ASB14: variants seen among roughly 807,000 people sequenced by gnomAD.
ASB14 encodes the protein ankyrin repeat and SOCS box containing 14, also known as ankyrin repeat and SOCS box protein 14.
A neutral mutation model predicts 55.6 loss-of-function variants in ASB14; 63 were observed. The observed-to-expected ratio is 1.13, with a 90% CI of 0.92 to 1.40. The LOEUF (loss-of-function observed/expected upper bound fraction) is 1.40, where lower values mean the gene tolerates loss of function less well. ASB14 is among the 40% of genes most tolerant of loss of function. The pLI is 0.00. For missense variants in ASB14, 724 were observed against 710.4 expected, an observed-to-expected ratio of 1.02 and a Z score of -0.22; for synonymous variants, 256 against 259.9, an observed-to-expected ratio of 0.98 and a Z score of 0.15.
At chr3:57,276,136 G>C (rs993968722) in intron 10 of ASB14, among the ~76,000 whole-genome samples, 1 of 151,360 alleles carries the variant, frequency 6.6e-6, no homozygotes, top group African/African-American at 2.4e-5. Flanking sequence ...ATTCTTTTGA[G>C]CACATAGACA....
rs780878668 is a variant in ASB14 at position 57,278,521 on chromosome 3, G to A, written c.1287C>T (p.Tyr429=). ...NPLHFPSALQ[Y]TLKDEVMLRM... ...TGAGCATGACTTCATCTTTCAGAGT[G>A]TATTGCAGTGCTGATGGGAAATGTA... Residue 429 remains tyrosine (Y), a synonymous_variant, in exon 8 of 11, where the codon TAC becomes TAT. Coordinates refer to ENST00000487349, the MANE Select transcript of ASB14 (RefSeq NM_001142733.3). 6.2e-7 allele frequency: 1 copy of A among 1,614,190 alleles called. No homozygotes were observed. Among genetic ancestry groups the A allele is most frequent in the Non-Finnish European group, 8.5e-7 (1 of 1,180,028 alleles).
chr3:57,277,032 G>A lies in ASB14; in HGVS notation c.1586-304C>T, dbSNP rs867590660. Reference sequence around the variant, plus strand: ...TGTAATCCCAGCACTCTGGGAGGCCGAGGCAGGTGGATCATTTGAAGCCAG... The same window carrying A: ...TGTAATCCCAGCACTCTGGGAGGCCAAGGCAGGTGGATCATTTGAAGCCAG... On this transcript the variant is annotated intron_variant, in intron 9 of 10. Transcript: ENST00000487349. Among the ~76,000 whole-genome samples, 6 of 152,098 alleles carry A rather than the reference G, an allele frequency of 3.9e-5. No individual in the cohort carries two copies. The South Asian group carries it at 8.3e-4, about 21-fold the overall frequency.
chr3:57,278,780 A>T lies in ASB14; in HGVS notation c.1028T>A (p.Met343Lys). ...GTGTTTGTTAATTCTCTGATCCAGC[A>T]TGAAGTTCACATCAAATCCAGCCTG... ...LIQAGFDVNF[M>K]LDQRINKHYD... Residue 343 changes from methionine to lysine, a missense_variant, in exon 8 of 11, where the codon ATG becomes AAG. Transcript: ENST00000487349. 3 of 1,613,568 alleles carry T rather than the reference A, an allele frequency of 1.9e-6. No homozygotes were observed. The African/African-American group carries it at 4.0e-5, about 22-fold the overall frequency.
At chr3:57,292,269 A>G (rs993732816) in intron 1 of ASB14, among the ~76,000 whole-genome samples, 165 bp from the exon 2 acceptor site, 1 of 152,236 alleles carries the variant, frequency 6.6e-6, no homozygotes, top group Non-Finnish European at 1.5e-5. Context: ...AGTTTCCATG[A>G]GTAGCCATTG....
chr3:57,278,387 T>C lies in ASB14; in HGVS notation c.1421A>G (p.Lys474Arg). 6.2e-7 allele frequency: 1 copy of C among 1,613,354 alleles called. No individual in the cohort carries two copies. The highest frequency in any genetic ancestry group is 1.3e-5 in the African/African-American group (1 of 75,038). The change falls in exon 8 of 11, where the codon AAA becomes AGA. Residue 474 changes from lysine (K) to arginine (R), a missense_variant. Coordinates refer to ENST00000487349, the MANE Select transcript of ASB14 (RefSeq NM_001142733.3). Reference protein sequence around the residue: ...TVEGWTSTVIKDTKFCEVITL... With the variant: ...TVEGWTSTVIRDTKFCEVITL... ...ATACTGTGGACTTACCTTAGTATCT[T>C]TGATAACTGTAGATGTCCAGCCTTC... is the stretch of plus-strand genomic sequence containing the variant.
intron 6 of ASB14, among the ~76,000 whole-genome samples, chr3:57,280,802 AACTCATAAC>A (rs1397964955): frequency 1.3e-5 from 2 of 151,980 alleles, no homozygotes; most frequent in African/African-American, 4.9e-5. Flanking sequence ...AAGCCCACTT[AACTCATAAC>A]ACACATATAG....
At chr3:57,280,901 G>C (rs944390416) in intron 6 of ASB14, among the ~76,000 whole-genome samples, 9 of 152,110 alleles carry the variant, frequency 5.9e-5, no homozygotes, top group African/African-American at 2.2e-4. Context: ...CATTTGTTCT[G>C]TTTTAGCTTG....
intron 2 of ASB14, among the ~76,000 whole-genome samples, chr3:57,289,974 C>G (rs2061115950): frequency 6.6e-6 from 1 of 152,048 alleles, no homozygotes; most frequent in Non-Finnish European, 1.5e-5. Context: ...TTTAACGAAC[C>G]CAGGTTGAGG....
chr3:57,277,744 C>A, intron 9 of ASB14, 23 bp downstream of exon 9: 1 of 1,578,642 alleles, frequency 6.3e-7, no homozygotes, highest in South Asian at 1.2e-5. Context: ...TGTAAAAAGT[C>A]ATTCTATGAG....
At chr3:57,276,291 T>G (rs1166125983) in intron 10 of ASB14, among the ~76,000 whole-genome samples, 1 of 152,048 alleles carries the variant, frequency 6.6e-6, no homozygotes, top group Non-Finnish European at 1.5e-5. Flanking sequence ...AAAAAATTTT[T>G]TTTTTCTTTT....
intron 10 of ASB14, chr3:57,273,265 A>G (rs1490678742): frequency 6.6e-6 from 1 of 152,638 alleles, no homozygotes; most frequent in Non-Finnish European, 1.5e-5. Context: ...GTACAATTCA[A>G]AATCATGCAA....
rs1219596601 is a variant in ASB14, at chr3:57,288,270, C to G, written c.195G>C (p.Leu65Phe). Residue 65 changes from leucine to phenylalanine, a missense_variant, in exon 4 of 11, where the codon TTG becomes TTC. Physicochemically the swap from Leu to Phe is conservative, Grantham distance 22. Coordinates refer to ENST00000487349, the MANE Select transcript of ASB14 (RefSeq NM_001142733.3). ...CGGAATGGTACTTGGTTAAGTGTGA[C>G]AATGCATCTTCCTTACCTATTAACG... ...ETIEKGKEDA[L>F]SHLTKYHSAF... The G allele has an allele frequency of 1.3e-6, 2 of 1,537,074 alleles. No individual in the cohort carries two copies. Among genetic ancestry groups the G allele is most frequent in the African/African-American group, 2.7e-5 (2 of 73,028 alleles).
At chr3:57,274,974 T>TACTTGAC (rs1161378118) in intron 10 of ASB14, among the ~76,000 whole-genome samples, 1 of 152,224 alleles carries the variant, frequency 6.6e-6, no homozygotes, top group Non-Finnish European at 1.5e-5. Flanking sequence ...CCTACCTCTG[T>TACTTGAC]ACTTGACTCT....
chr3:57,276,759 A>G (rs956812384), intron 9 of ASB14, 31 bp from the exon 10 acceptor site: 4 of 1,572,074 alleles, frequency 2.5e-6, no homozygotes, highest in Admixed American at 2.0e-5. Context: ...ATCCAAAGAG[A>G]AAAAGAACTT....
chr3:57,268,709 A>G lies in ASB14; in HGVS notation c.*932T>C. 1 of 316,176 alleles carries G rather than the reference A, an allele frequency of 3.2e-6. No individual in the cohort carries two copies. The highest frequency in any genetic ancestry group is 2.1e-5 in the African/African-American group (1 of 46,926). The allele number at this position is 316,176 out of a possible 1,614,324, so 19.6% of individuals were successfully genotyped here. A position where few individuals can be genotyped will look rare whatever the true frequency, so the allele number is the denominator to read the frequency against. ...CATGTAATATGACTGTTTCAAAAATATACCAGAACTTTAATATTTCAGAGG... is the reference window on the plus strand; with the variant it reads ...CATGTAATATGACTGTTTCAAAAATGTACCAGAACTTTAATATTTCAGAGG... On this transcript the variant is annotated 3_prime_UTR_variant, in exon 11 of 11. Transcript: ENST00000487349.
intron 2 of ASB14, among the ~76,000 whole-genome samples, chr3:57,289,712 A>C (rs1315653410): frequency 2.4e-5 from 1 of 42,174 alleles, no homozygotes; most frequent in Admixed American, 4.6e-4. Context: ...TTTTTTTTTG[A>C]GATGGAGTCT....
At chr3:57,272,834 C>CA (rs2060953045) in intron 10 of ASB14, 2 of 152,166 alleles carry the variant, frequency 1.3e-5, no homozygotes, top group Non-Finnish European at 1.5e-5. Flanking sequence ...CTCCTGACCT[C>CA]ATGATCCGCC....
chr3:57,284,094 A>ATATGTGTGTGTGTGTGTGTG (rs1553640085), intron 5 of ASB14, among the ~76,000 whole-genome samples: 6 of 136,546 alleles, frequency 4.4e-5, no homozygotes, highest in African/African-American at 8.4e-5. Context: ...AACACTGTGT[A>ATATGTGTGTGTGTGTGTGTG]TGTGTGTGTG....
chr3:57,279,536 T>C (rs2061021081), intron 7 of ASB14, among the ~76,000 whole-genome samples: 1 of 151,884 alleles, frequency 6.6e-6, no homozygotes, highest in South Asian at 2.1e-4. Context: ...CCATCTCTAC[T>C]AAAAATACAA....
Sources: allele counts gnomAD v4.1 joint callset (sites outside exome capture counted in the v4.1 genomes callset), GRCh38; gene constraint gnomAD v4.1.1; transcripts MANE v1.5; gene names NCBI Gene and HGNC (gene_info 2026-07-23, HGNC 2026-07-21).